The following DRD2 variants were observed in gnomAD, a reference collection of about 807,000 sequenced individuals.
The protein encoded by DRD2 is dopamine receptor D2.
DRD2 carries 8 observed loss-of-function variants against 38.0 expected under a neutral mutation model. That is an observed-to-expected ratio of 0.21 (90% CI 0.12 to 0.38). The LOEUF (loss-of-function observed/expected upper bound fraction) is 0.38. Among genes scored for constraint, DRD2 ranks in the 10% least tolerant of loss-of-function variants. The probability of loss-of-function intolerance (pLI) is 1.00; values close to 1 mark genes in which losing one functional copy is unlikely to be tolerated. For synonymous variants in DRD2, 230 were observed against 238.6 expected, an observed-to-expected ratio of 0.96 and a Z score of 0.33; for missense variants, 403 against 607.7, an observed-to-expected ratio of 0.66 and a Z score of 3.54.
chr11:113,444,320 A>G (rs1047100404), intron 1 of DRD2, among the ~76,000 whole-genome samples: 4 of 152,250 alleles, frequency 2.6e-5, no homozygotes, highest in African/African-American at 9.6e-5. Flanking sequence ...TATAGGCATG[A>G]GCCACACCCA....
intron 1 of DRD2, among the ~76,000 whole-genome samples, chr11:113,466,187 A>C (rs1015543859): frequency 1.3e-5 from 2 of 152,226 alleles, no homozygotes; most frequent in African/African-American, 4.8e-5. Context: ...CAGGGGATGC[A>C]TAGCCCACTT....
intron 1 of DRD2, among the ~76,000 whole-genome samples, chr11:113,434,046 C>A (rs1445869171): frequency 6.6e-6 from 1 of 152,156 alleles, no homozygotes; most frequent in African/African-American, 2.4e-5. Flanking sequence ...GCCTCCTCCT[C>A]CTTCTCACCC....
At chr11:113,462,487 T>A (rs1230134841) in intron 1 of DRD2, among the ~76,000 whole-genome samples, 3 of 152,140 alleles carry the variant, frequency 2.0e-5, no homozygotes, top group African/African-American at 7.2e-5. Context: ...GACAATCATG[T>A]GAAGACAGAG....
At chr11:113,451,664 A>T (rs1171341089) in intron 1 of DRD2, among the ~76,000 whole-genome samples, 1 of 151,734 alleles carries the variant, frequency 6.6e-6, no homozygotes, top group African/African-American at 2.4e-5. Flanking sequence ...CTAATTTTGT[A>T]TTTTTAGTAG....
At chr11:113,435,775 C>G (rs1019309347) in intron 1 of DRD2, among the ~76,000 whole-genome samples, 2 of 152,132 alleles carry the variant, frequency 1.3e-5, no homozygotes, top group African/African-American at 4.8e-5. Context: ...CCAGCCAGAG[C>G]CCAGAGAGGA....
At chr11:113,414,287 G>A in intron 6 of DRD2, 88 bp downstream of exon 6, 1 of 1,291,606 alleles carries the variant, frequency 7.7e-7, no homozygotes, top group Non-Finnish European at 1.1e-6. Context: ...TCTCCCATTG[G>A]CCAGCTTCTG....
chr11:113,415,314 C>G, intron 5 of DRD2, 107 bp downstream of exon 5: 1 of 1,429,322 alleles, frequency 7.0e-7, no homozygotes, highest in South Asian at 1.4e-5. Context: ...TTAGCCTAGA[C>G]CTAACCCTTG....
chr11:113,420,094 C>T (rs1023379433), intron 2 of DRD2, among the ~76,000 whole-genome samples: 36 of 152,186 alleles, frequency 2.4e-4, no homozygotes, highest in African/African-American at 8.2e-4. Flanking sequence ...AGAAAACCAG[C>T]ACTACCTGAT....
chr11:113,420,509 T>C (rs773775701), intron 2 of DRD2, among the ~76,000 whole-genome samples: 3 of 152,182 alleles, frequency 2.0e-5, no homozygotes, highest in Non-Finnish European at 2.9e-5. Context: ...GCACTTTATC[T>C]CATGTATCGT....
At chr11:113,417,051 C>T in intron 3 of DRD2, 52 bp from the exon 4 acceptor site, 1 of 1,603,132 alleles carries the variant, frequency 6.2e-7, no homozygotes, top group South Asian at 1.1e-5. Context: ...GGACCCCTCA[C>T]TCCACAATAT....
At chr11:113,437,229 C>T (rs921191601) in intron 1 of DRD2, among the ~76,000 whole-genome samples, 1 of 152,188 alleles carries the variant, frequency 6.6e-6, no homozygotes, top group East Asian at 1.9e-4. Context: ...ATGCTACAGA[C>T]AAAGAAACAG....
At chr11:113,462,977 G>T (rs7118174) in intron 1 of DRD2, among the ~76,000 whole-genome samples, 2 of 151,944 alleles carry the variant, frequency 1.3e-5, no homozygotes, top group South Asian at 2.1e-4. Flanking sequence ...GACCTTAGGT[G>T]GTTAGTATTA....
chr11:113,446,111 C>A (rs1241951573), intron 1 of DRD2, among the ~76,000 whole-genome samples: 1 of 152,178 alleles, frequency 6.6e-6, no homozygotes, highest in African/African-American at 2.4e-5. Flanking sequence ...CCTCCTGGGA[C>A]ACATGGACCC....
intron 1 of DRD2, among the ~76,000 whole-genome samples, chr11:113,433,591 A>T (rs1289955192): frequency 2.0e-5 from 3 of 152,170 alleles, no homozygotes; most frequent in Admixed American, 6.5e-5. Flanking sequence ...AGAGGCAGCG[A>T]GGCAGCAGAG....
intron 6 of DRD2, chr11:113,414,157 A>G (rs1367429774): frequency 1.6e-6 from 1 of 623,644 alleles, no homozygotes; most frequent in Admixed American, 2.6e-5. Context: ...GGTATGGCCA[A>G]CCATTTTCTC....
intron 1 of DRD2, among the ~76,000 whole-genome samples, chr11:113,473,439 G>GA (rs1057220514): frequency 5.3e-5 from 8 of 152,052 alleles, no homozygotes; most frequent in Non-Finnish European, 7.4e-5. Context: ...TCATTAAAAA[G>GA]AAAAAAACCC....
At chr11:113,418,860 CCT>C (rs1349386745) in intron 2 of DRD2, among the ~76,000 whole-genome samples, 1 of 152,208 alleles carries the variant, frequency 6.6e-6, no homozygotes, top group Non-Finnish European at 1.5e-5. Context: ...TTCCCTCACC[CCT>C]GATTCTGACT....
chr11:113,443,584 C>T (rs927624476), intron 1 of DRD2, among the ~76,000 whole-genome samples: 1 of 152,224 alleles, frequency 6.6e-6, no homozygotes, highest in Non-Finnish European at 1.5e-5. Context: ...CATATGTTCC[C>T]TTCCAGGACC....
At chr11:113,466,430 C>T (rs944243657) in intron 1 of DRD2, among the ~76,000 whole-genome samples, 1 of 51,996 alleles carries the variant, frequency 1.9e-5, no homozygotes, top group African/African-American at 3.3e-5. Context: ...AACAGCCCCC[C>T]CAGTGCATTT....
Sources: gnomAD v4.1 joint callset for allele counts (sites outside exome capture counted in the v4.1 genomes callset) on GRCh38, gnomAD v4.1.1 for gene constraint, MANE v1.5 for transcripts, NCBI Gene and HGNC (gene_info 2026-07-23, HGNC 2026-07-21) for gene names.